Variants in SH3GL2 observed in about 807,000 individuals in gnomAD.
SH3GL2 encodes SH3 domain containing GRB2 like 2, endophilin A1.
Under a neutral mutation model 46.0 loss-of-function variants are expected in SH3GL2, and 24 were observed. That is an observed-to-expected ratio of 0.52 (90% confidence interval 0.38 to 0.73). SH3GL2 has a LOEUF of 0.73. Ranked by LOEUF, SH3GL2 falls within the 30% of genes least tolerant of loss-of-function variation. SH3GL2 has a pLI of 0.00. For missense variants in SH3GL2, 413 were observed against 424.2 expected (o/e 0.97, Z 0.23); for synonymous variants, 196 against 147.1 (o/e 1.33, Z -2.40).
intron 3 of SH3GL2, among the ~76,000 whole-genome samples, chr9:17,769,946 A>G (rs1421630316): frequency 3.9e-5 from 6 of 152,090 alleles, no homozygotes; most frequent in African/African-American, 1.2e-4. Flanking sequence ...TTACTCCTTT[A>G]TATATACCCA....
At chr9:17,684,539 G>A (rs185828869) in intron 1 of SH3GL2, among the ~76,000 whole-genome samples, 18 of 152,092 alleles carry the variant, frequency 1.2e-4, no homozygotes, top group Admixed American at 1.1e-3. Flanking sequence ...ATAAAATAGT[G>A]CAATACAAAA....
At chr9:17,768,387 A>AAAAC (rs1490386599) in intron 3 of SH3GL2, among the ~76,000 whole-genome samples, 4 of 151,814 alleles carry the variant, frequency 2.6e-5, no homozygotes, top group Admixed American at 6.6e-5. Context: ...AAAAAAAAAA[A>AAAAC]AAAACACCAG....
chr9:17,729,671 C>T (rs1028180928), intron 1 of SH3GL2, among the ~76,000 whole-genome samples: 4 of 152,172 alleles, frequency 2.6e-5, no homozygotes, highest in African/African-American at 7.2e-5. Flanking sequence ...TTTCAGTTGT[C>T]TGCATATGGG....
chr9:17,677,970 A>G (rs1820657355), intron 1 of SH3GL2, among the ~76,000 whole-genome samples: 1 of 152,126 alleles, frequency 6.6e-6, no homozygotes, highest in Non-Finnish European at 1.5e-5. Flanking sequence ...ATCATTTTTT[A>G]TGGCTGCATA....
intron 1 of SH3GL2, among the ~76,000 whole-genome samples, chr9:17,679,835 T>C (rs1820721131): frequency 6.6e-6 from 1 of 152,208 alleles, no homozygotes; most frequent in Non-Finnish European, 1.5e-5. Context: ...GTTTTTAGCA[T>C]GAAGGGCTGT....
chr9:17,596,117 G>C (rs1349871621), intron 1 of SH3GL2, among the ~76,000 whole-genome samples: 1 of 152,086 alleles, frequency 6.6e-6, no homozygotes, highest in South Asian at 2.1e-4. Flanking sequence ...CCAGTTTCTA[G>C]CCAAGTTCTA....
chr9:17,747,665 T>G (rs1822731618), intron 2 of SH3GL2, among the ~76,000 whole-genome samples: 1 of 151,934 alleles, frequency 6.6e-6, no homozygotes, highest in Admixed American at 6.6e-5. Context: ...TTTTAAAATT[T>G]TATTATTATT....
At chr9:17,619,236 C>T (rs1819076015) in intron 1 of SH3GL2, among the ~76,000 whole-genome samples, 1 of 152,204 alleles carries the variant, frequency 6.6e-6, no homozygotes, top group South Asian at 2.1e-4. Flanking sequence ...ATCATCTCCA[C>T]AGCTGGAGTG....
intron 1 of SH3GL2, among the ~76,000 whole-genome samples, chr9:17,635,650 G>C (rs536133616): frequency 2.2e-4 from 34 of 152,338 alleles, no homozygotes; most frequent in Non-Finnish European, 4.3e-4. Context: ...TAAGCTGAAA[G>C]TCATGTGCCT....
rs1818222530 is a variant in SH3GL2 at position 17,579,146 on chromosome 9, A to G, written c.-97A>G. The G allele has an allele frequency of 3.7e-6, 3 of 809,104 alleles. No individual in the cohort carries two copies. The highest frequency in any genetic ancestry group is 3.7e-5 in the African/African-American group (2 of 54,358). The allele number at this position is 809,104 out of a possible 1,614,324, so 50.1% of individuals were successfully genotyped here. On this transcript the variant is annotated 5_prime_UTR_variant, in exon 1 of 9. Coordinates refer to ENST00000380607, the MANE Select transcript of SH3GL2 (RefSeq NM_003026.5). Reference sequence around the variant, plus strand: ...CCATAGCCCCGGCGGCGGCACGACCAGAGGCGGCCAGGGGAGCGCGCCGCC... The same window carrying G: ...CCATAGCCCCGGCGGCGGCACGACCGGAGGCGGCCAGGGGAGCGCGCCGCC...
At chr9:17,692,574 G>T (rs1356985379) in intron 1 of SH3GL2, among the ~76,000 whole-genome samples, 1 of 151,892 alleles carries the variant, frequency 6.6e-6, no homozygotes, top group African/African-American at 2.4e-5. Flanking sequence ...AAAGACAAGA[G>T]ACGGAGGTTA....
intron 1 of SH3GL2, among the ~76,000 whole-genome samples, chr9:17,631,622 T>G (rs1250596487): frequency 6.6e-6 from 1 of 152,180 alleles, no homozygotes; most frequent in Non-Finnish European, 1.5e-5. Context: ...AGTCAGTGCT[T>G]TGAAGGCCCT....
intron 2 of SH3GL2, among the ~76,000 whole-genome samples, chr9:17,750,105 C>G (rs908958745): frequency 6.6e-6 from 1 of 152,142 alleles, no homozygotes; most frequent in Admixed American, 6.5e-5. Flanking sequence ...GCTAAATTTA[C>G]ATGAATAGTA....
intron 1 of SH3GL2, among the ~76,000 whole-genome samples, chr9:17,686,455 C>T (rs201408882): frequency 7.0e-6 from 1 of 142,410 alleles, no homozygotes; most frequent in Non-Finnish European, 1.5e-5. Context: ...ACCCAAAGGA[C>T]TATAAATCAT....
chr9:17,777,993 G>C (rs1211591700), intron 3 of SH3GL2, among the ~76,000 whole-genome samples: 1 of 151,496 alleles, frequency 6.6e-6, no homozygotes, highest in Non-Finnish European at 1.5e-5. Flanking sequence ...CCAACTCTAA[G>C]AACTTTCCTC....
In SH3GL2 at chr9:17,627,040, T is replaced by G. The variant is rs532252077; in HGVS notation, c.45+47753T>G. Among the ~76,000 whole-genome samples the G allele has an allele frequency of 1.4e-4, 22 of 152,266 alleles. No homozygotes were observed. In the East Asian group the frequency reaches 4.2e-3, roughly 29 times the overall value. ...CTGGATGTACCTCTCCTCATGTAAT[T>G]GTCACAACTACCCTGTATTGGAGGT... is the stretch of plus-strand genomic sequence containing the variant. On this transcript the variant is annotated intron_variant, in intron 1 of 8. Transcript: ENST00000380607.
intron 3 of SH3GL2, among the ~76,000 whole-genome samples, chr9:17,777,752 G>A (rs1823683110): frequency 6.6e-6 from 1 of 151,990 alleles, no homozygotes; most frequent in Admixed American, 6.6e-5. Flanking sequence ...TACTGGATTA[G>A]GACTTTGACC....
chr9:17,743,679 A>C (rs572480118), intron 1 of SH3GL2, among the ~76,000 whole-genome samples: 3 of 152,216 alleles, frequency 2.0e-5, no homozygotes, highest in South Asian at 4.1e-4. Context: ...ACTAATGGCC[A>C]GTGGGATCCA....
chr9:17,793,820 G>C (rs10963272), intron 8 of SH3GL2, among the ~76,000 whole-genome samples: 1 of 152,028 alleles, frequency 6.6e-6, no homozygotes, highest in African/African-American at 2.4e-5. Flanking sequence ...TGTCAGTTTG[G>C]TCTGCGAGTG....
Sources: allele counts gnomAD v4.1 joint callset (sites outside exome capture counted in the v4.1 genomes callset), GRCh38; gene constraint gnomAD v4.1.1; transcripts MANE v1.5; gene names NCBI Gene and HGNC (gene_info 2026-07-23, HGNC 2026-07-21).